Variants in DLGAP2 observed in about 807,000 individuals in gnomAD.
DLGAP2 encodes the protein disks large-associated protein 2.
A neutral mutation model predicts 100.3 loss-of-function variants in DLGAP2; 26 were observed. That is an observed-to-expected ratio of 0.26 (90% confidence interval 0.19 to 0.36). DLGAP2 has a LOEUF of 0.36. Among genes scored for constraint, DLGAP2 ranks in the 10% least tolerant of loss-of-function variants. DLGAP2 has a pLI of 1.00. For synonymous variants in DLGAP2, 886 were observed against 630.1 expected, an observed-to-expected ratio of 1.41 and a Z score of -6.08; for missense variants, 1,858 against 1,453.2, an observed-to-expected ratio of 1.28 and a Z score of -4.53.
intron 2 of DLGAP2, among the ~76,000 whole-genome samples, chr8:1,089,048 C>G (rs1326468467): frequency 1.5e-5 from 2 of 131,706 alleles, no homozygotes; most frequent in Non-Finnish European, 3.2e-5. Flanking sequence ...CTATGCCATT[C>G]TTGCTCCCCG....
At chr8:1,581,527 C>G (rs1372604847) in intron 6 of DLGAP2, among the ~76,000 whole-genome samples, 2 of 149,658 alleles carry the variant, frequency 1.3e-5, no homozygotes, top group African/African-American at 5.0e-5. Flanking sequence ...CAAAACTCCA[C>G]ACACATCTAC....
At chr8:1,573,985 A>C (rs147967041) in intron 6 of DLGAP2, among the ~76,000 whole-genome samples, 7 of 151,874 alleles carry the variant, frequency 4.6e-5, no homozygotes, top group African/African-American at 1.7e-4. Context: ...GTGAGACAGG[A>C]CTCCTAACCC....
intron 2 of DLGAP2, among the ~76,000 whole-genome samples, chr8:917,201 C>G (rs1206856204): frequency 7.8e-6 from 1 of 128,996 alleles, no homozygotes; most frequent in Admixed American, 8.4e-5. Context: ...CAGTATTGTT[C>G]CCTCCCTCCC....
At chr8:1,649,595 A>G (rs1461350968) in intron 8 of DLGAP2, among the ~76,000 whole-genome samples, 1 of 152,206 alleles carries the variant, frequency 6.6e-6, no homozygotes, top group Non-Finnish European at 1.5e-5. Context: ...CTGTATCACT[A>G]CTGATATTTT....
intron 2 of DLGAP2, among the ~76,000 whole-genome samples, chr8:1,178,136 C>G (rs7838568): frequency 0.23 from 34,394 of 152,086 alleles, 4,070 homozygotes; most frequent in Middle Eastern, 0.36. Context: ...TTGGAGAGAA[C>G]TAGGGACCCC....
At chr8:908,680 G>C (rs1798427704) in intron 2 of DLGAP2, among the ~76,000 whole-genome samples, 1 of 152,188 alleles carries the variant, frequency 6.6e-6, no homozygotes. Context: ...CCTCCTGCAA[G>C]ATTTCTGATT....
chr8:1,614,011 G>A (rs191628590), intron 6 of DLGAP2, among the ~76,000 whole-genome samples: 22 of 152,322 alleles, frequency 1.4e-4, no homozygotes, highest in African/African-American at 4.3e-4. Context: ...ACAGGTCTCA[G>A]ACTCGGCGGG....
At chr8:1,013,153 G>T (rs931366004) in intron 2 of DLGAP2, among the ~76,000 whole-genome samples, 3 of 152,148 alleles carry the variant, frequency 2.0e-5, no homozygotes, top group African/African-American at 7.2e-5. Flanking sequence ...TTACTGAAAG[G>T]CCTGTGCTGC....
At chr8:1,357,514 C>G (rs1801883341) in intron 3 of DLGAP2, among the ~76,000 whole-genome samples, 1 of 151,822 alleles carries the variant, frequency 6.6e-6, no homozygotes, top group Admixed American at 6.6e-5. Context: ...ATATTAATAC[C>G]ATCTGTAGTA....
intron 2 of DLGAP2, among the ~76,000 whole-genome samples, chr8:1,056,494 G>A (rs922458344): frequency 6.6e-6 from 1 of 152,014 alleles, no homozygotes; most frequent in Non-Finnish European, 1.5e-5. Context: ...CCATTCTTTA[G>A]TCTCTTGTTT....
chr8:1,257,237 A>G (rs533887383), intron 2 of DLGAP2, among the ~76,000 whole-genome samples: 6 of 152,126 alleles, frequency 3.9e-5, no homozygotes, highest in Non-Finnish European at 5.9e-5. Flanking sequence ...TGCCACACAC[A>G]CGGCTCCCAG....
At chr8:1,121,113 C>T (rs1383773334) in intron 2 of DLGAP2, among the ~76,000 whole-genome samples, 1 of 151,684 alleles carries the variant, frequency 6.6e-6, no homozygotes, top group Non-Finnish European at 1.5e-5. Flanking sequence ...CCTTCAGACC[C>T]CATGACCTCC....
At chr8:807,292 C>A (rs1410530170) in intron 1 of DLGAP2, among the ~76,000 whole-genome samples, 2 of 117,578 alleles carry the variant, frequency 1.7e-5, no homozygotes, top group East Asian at 2.8e-4. Context: ...CTCATTCATA[C>A]GTTCTCTCTC....
intron 3 of DLGAP2, among the ~76,000 whole-genome samples, chr8:1,283,308 C>T (rs552271721): frequency 6.6e-6 from 1 of 152,278 alleles, no homozygotes; most frequent in South Asian, 2.1e-4. Flanking sequence ...GCACGTGAAC[C>T]ATCCAGACGT....
intron 2 of DLGAP2, among the ~76,000 whole-genome samples, chr8:1,204,090 C>T (rs1455026105): frequency 2.0e-5 from 3 of 152,216 alleles, no homozygotes; most frequent in Non-Finnish European, 4.4e-5. Context: ...GGGTCTGGAG[C>T]GGGACCTGAA....
At chr8:1,278,981 G>A (rs1192985911) in intron 3 of DLGAP2, among the ~76,000 whole-genome samples, 1 of 152,112 alleles carries the variant, frequency 6.6e-6, no homozygotes. Context: ...GTTAAGGTGA[G>A]GATAAAGAAC....
intron 5 of DLGAP2, among the ~76,000 whole-genome samples, chr8:1,552,231 G>A (rs1409103517): frequency 6.6e-6 from 1 of 152,214 alleles, no homozygotes; most frequent in African/African-American, 2.4e-5. Context: ...CTGCCCGGAG[G>A]ATCGGAGGAT....
intron 2 of DLGAP2, chr8:1,137,772 A>G (rs1015506156): frequency 6.6e-6 from 1 of 152,194 alleles, no homozygotes. Context: ...AACAGTTACA[A>G]CCTGGTTCCC....
chr8:961,634 A>G (rs1300383126), intron 2 of DLGAP2, among the ~76,000 whole-genome samples: 5 of 152,192 alleles, frequency 3.3e-5, no homozygotes, highest in African/African-American at 1.2e-4. Flanking sequence ...AGTATTTCTG[A>G]TTATTAAGAA....
Sources: allele counts gnomAD v4.1 joint callset (sites outside exome capture counted in the v4.1 genomes callset), GRCh38; gene constraint gnomAD v4.1.1; transcripts MANE v1.5; gene names NCBI Gene and HGNC (gene_info 2026-07-23, HGNC 2026-07-21).